TIAM1: variants seen among roughly 807,000 people sequenced by gnomAD.
The protein encoded by TIAM1 is TIAM Rac1 associated GEF 1.
In TIAM1, 65 loss-of-function variants were observed where a neutral mutation model predicts 163.5. That is an observed-to-expected ratio of 0.40 (90% CI 0.33 to 0.49). The LOEUF (loss-of-function observed/expected upper bound fraction) is 0.49. TIAM1 is among the 20% of genes least tolerant of loss of function. The pLI, the probability that TIAM1 is intolerant of heterozygous loss-of-function variation, is 0.77. For synonymous variants in TIAM1, 833 were observed against 810.1 expected (o/e 1.03, Z -0.48); for missense variants, 1,789 against 2,044.7 (o/e 0.87, Z 2.41).
At chr21:31,493,506 C>T (rs929333591) in intron 1 of TIAM1, among the ~76,000 whole-genome samples, 1 of 151,944 alleles carries the variant, frequency 6.6e-6, no homozygotes, top group Admixed American at 6.6e-5. Flanking sequence ...TAAGCAAAGA[C>T]AAAAAAACAG....
chr21:31,458,172 C>A (rs1339991532), intron 2 of TIAM1, among the ~76,000 whole-genome samples: 1 of 152,178 alleles, frequency 6.6e-6, no homozygotes, highest in East Asian at 1.9e-4. Flanking sequence ...GTAATCCCAA[C>A]ACTTTGGGAG....
intron 2 of TIAM1, among the ~76,000 whole-genome samples, chr21:31,362,478 T>TATTATTATTATTATA (rs944079739): frequency 7.0e-6 from 1 of 142,780 alleles, no homozygotes; most frequent in African/African-American, 2.7e-5. Flanking sequence ...TTATTATTAT[T>TATTATTATTATTATA]ATATTTGAGA....
At chr21:31,461,157 A>G (rs6517036) in intron 2 of TIAM1, among the ~76,000 whole-genome samples, 33,694 of 152,132 alleles carry the variant, frequency 0.22, 3,944 homozygotes, top group South Asian at 0.28. Context: ...TTACTCTGTA[A>G]AAGAAGAGGG....
At chr21:31,401,275 CT>C (rs1192002472) in intron 2 of TIAM1, among the ~76,000 whole-genome samples, 4 of 152,150 alleles carry the variant, frequency 2.6e-5, no homozygotes, top group South Asian at 2.1e-4. Flanking sequence ...ACCTCTGCCC[CT>C]AGTCAGTGTT....
At chr21:31,252,578 A>G (rs1446062851) in intron 4 of TIAM1, among the ~76,000 whole-genome samples, 1 of 152,242 alleles carries the variant, frequency 6.6e-6, no homozygotes, top group Non-Finnish European at 1.5e-5. Context: ...CCTGAACTCC[A>G]GGAAATTCTG....
rs2088070924 is a variant in TIAM1, at chr21:31,227,699, C to T, written c.1585-1749G>A. Among the ~76,000 whole-genome samples, 4 of 152,162 alleles carry T rather than the reference C, an allele frequency of 2.6e-5. No homozygotes were observed. In the South Asian group the frequency reaches 8.3e-4, roughly 32 times the overall value. ...TATTTATGAGATTAAATTTGCTTCACTTTATTTTATAGTTGTCTCCTCTTT... is the reference window on the plus strand; with the variant it reads ...TATTTATGAGATTAAATTTGCTTCATTTTATTTTATAGTTGTCTCCTCTTT... On this transcript the variant is annotated intron_variant, in intron 6 of 27. Coordinates refer to ENST00000541036, the MANE Select transcript of TIAM1 (RefSeq NM_001353694.2).
intron 2 of TIAM1, among the ~76,000 whole-genome samples, chr21:31,449,492 C>T (rs1354933458): frequency 6.6e-6 from 1 of 152,098 alleles, no homozygotes; most frequent in Non-Finnish European, 1.5e-5. Context: ...GATTCTCCTG[C>T]CTCGGCCTCC....
intron 2 of TIAM1, among the ~76,000 whole-genome samples, chr21:31,329,152 C>T (rs1002873517): frequency 2.6e-5 from 4 of 152,118 alleles, no homozygotes; most frequent in Non-Finnish European, 4.4e-5. Flanking sequence ...TGTCCTGGAA[C>T]GAACCCCCCA....
At chr21:31,379,985 G>A (rs1428027764) in intron 2 of TIAM1, among the ~76,000 whole-genome samples, 1 of 152,164 alleles carries the variant, frequency 6.6e-6, no homozygotes, top group Non-Finnish European at 1.5e-5. Context: ...GGAACTGGCA[G>A]GGTATGTTGG....
chr21:31,477,498 G>A (rs114959924), intron 1 of TIAM1, among the ~76,000 whole-genome samples: 23,734 of 136,244 alleles, frequency 0.17, 2,250 homozygotes, highest in Non-Finnish European at 0.21. Context: ...TTTTTGAGAC[G>A]GAATCTGGCT....
chr21:31,210,055 A>G lies in TIAM1; in HGVS notation c.2378T>C (p.Leu793Pro), dbSNP rs765885621. The G allele has an allele frequency of 1.9e-6, 3 of 1,613,458 alleles. No individual in the cohort carries two copies. The highest frequency in any genetic ancestry group is 2.2e-5 in the East Asian group (1 of 44,864). ...PGDTARDTLELICKTHQLDHS... is the reference protein window; with the variant it reads ...PGDTARDTLEPICKTHQLDHS... ...AAAGCAGCTCCATACCTTGCAAATCAGCTCCAGGGTGTCCCGTGCAGTGTC... is the reference window on the plus strand; with the variant it reads ...AAAGCAGCTCCATACCTTGCAAATCGGCTCCAGGGTGTCCCGTGCAGTGTC... Residue 793 changes from leucine (L) to proline (P), a missense_variant, in exon 11 of 28, where the codon CTG becomes CCG. By Grantham distance (98) the Leu-to-Pro change is moderately conservative. Around this residue, in one of 5 missense-constraint regions of TIAM1, gnomAD observed 456 missense variants for 586.6 expected, o/e 0.78. Coordinates refer to ENST00000541036, the MANE Select transcript of TIAM1 (RefSeq NM_001353694.2).
intron 1 of TIAM1, among the ~76,000 whole-genome samples, chr21:31,544,042 T>A (rs943582933): frequency 6.6e-6 from 1 of 151,522 alleles, no homozygotes; most frequent in Non-Finnish European, 1.5e-5. Flanking sequence ...AAAACCCATC[T>A]GTATTAAAAA....
chr21:31,540,472 C>T (rs933556388), intron 1 of TIAM1, among the ~76,000 whole-genome samples: 1 of 151,852 alleles, frequency 6.6e-6, no homozygotes, highest in Non-Finnish European at 1.5e-5. Context: ...GAAGAGGTGG[C>T]TCACGCCTAT....
At chr21:31,391,099 G>A (rs988178299) in intron 2 of TIAM1, among the ~76,000 whole-genome samples, 7 of 152,128 alleles carry the variant, frequency 4.6e-5, no homozygotes, top group East Asian at 3.9e-4. Flanking sequence ...GGTAGAGGAC[G>A]ATGCTACGTG....
chr21:31,331,147 A>G (rs1205255216), intron 2 of TIAM1, among the ~76,000 whole-genome samples: 4 of 152,230 alleles, frequency 2.6e-5, no homozygotes, highest in African/African-American at 9.6e-5. Context: ...AATGCATTTC[A>G]AAGATTCAAC....
chr21:31,307,954 TG>T lies in TIAM1; in HGVS notation c.-188-31047del, dbSNP rs1238348500. 8.5e-5 allele frequency among the ~76,000 whole-genome samples: 13 copies of T among 152,278 alleles called. No individual in the cohort carries two copies. The South Asian group carries it at 1.9e-3, about 22-fold the overall frequency. ...TCAGAGTCAATACTATACAATGGGC[TG>T]GGTGCGGCAGCTCACACCTGTAATC... On this transcript the variant is annotated intron_variant, in intron 2 of 27. Transcript: ENST00000541036.
In TIAM1 at chr21:31,225,954, T is replaced by C; in HGVS notation, c.1585-4A>G. 6.2e-7 allele frequency: 1 copy of C among 1,612,082 alleles called. No individual in the cohort carries two copies. Among genetic ancestry groups the C allele is most frequent in the Non-Finnish European group, 8.5e-7 (1 of 1,178,592 alleles). ...CAAGCTCCGTCTGGCTAGTGGTCTG[T>C]ACCAGGAAGAAGGGGCAGGAAGAAA... On this transcript the variant is annotated splice_polypyrimidine_tract_variant and splice_region_variant and intron_variant, in intron 6 of 27. Transcript: ENST00000541036.
At chr21:31,256,040 T>C (rs1022715621) in intron 4 of TIAM1, among the ~76,000 whole-genome samples, 2 of 152,130 alleles carry the variant, frequency 1.3e-5, no homozygotes, top group Non-Finnish European at 2.9e-5. Flanking sequence ...TTCTTAGCAT[T>C]TGAGCTGGGC....
chr21:31,292,371 CTTTTT>C (rs763364996), intron 2 of TIAM1, among the ~76,000 whole-genome samples: 1 of 138,830 alleles, frequency 7.2e-6, no homozygotes. Flanking sequence ...TTTCAATTTC[CTTTTT>C]TTTTTTTTTT....
Sources: allele counts gnomAD v4.1 joint callset (sites outside exome capture counted in the v4.1 genomes callset), GRCh38; gene constraint gnomAD v4.1.1; regional missense constraint gnomAD v4.1.1; transcripts MANE v1.5; gene names NCBI Gene and HGNC (gene_info 2026-07-23, HGNC 2026-07-21).